The following OVCH1 variants were observed in gnomAD, a reference collection of about 807,000 sequenced individuals.
The protein encoded by OVCH1 is ovochymase-1.
Under a neutral mutation model 138.4 loss-of-function variants are expected in OVCH1, and 139 were observed. That is an observed-to-expected ratio of 1.00 (90% CI 0.87 to 1.16). The LOEUF (loss-of-function observed/expected upper bound fraction) is 1.16. Ranked by LOEUF, OVCH1 falls within the 50% of genes most tolerant of loss-of-function variation. OVCH1 has a pLI of 0.00. For synonymous variants in OVCH1, 453 were observed against 467.8 expected (o/e 0.97, Z 0.41); for missense variants, 1,367 against 1,357.9 (o/e 1.01, Z -0.11).
At chr12:29,496,922 C>T (rs892767929) in intron 1 of OVCH1, among the ~76,000 whole-genome samples, 1 of 152,212 alleles carries the variant, frequency 6.6e-6, no homozygotes, top group Non-Finnish European at 1.5e-5. Context: ...GCCAGCGCTG[C>T]CTCTGGTAGG....
intron 8 of OVCH1, among the ~76,000 whole-genome samples, chr12:29,483,472 A>G (rs1942998474): frequency 6.6e-6 from 1 of 152,200 alleles, no homozygotes; most frequent in African/African-American, 2.4e-5. Context: ...TTCATTTTAC[A>G]TTAGTTTTGA....
intron 22 of OVCH1, among the ~76,000 whole-genome samples, chr12:29,445,689 A>C (rs1385236896): frequency 6.6e-6 from 1 of 152,072 alleles, no homozygotes; most frequent in Non-Finnish European, 1.5e-5. Context: ...TTATGTTTAA[A>C]ATGACTGATG....
At chr12:29,481,575 G>T (rs1436320903) in intron 8 of OVCH1, among the ~76,000 whole-genome samples, 1 of 152,014 alleles carries the variant, frequency 6.6e-6, no homozygotes, top group Admixed American at 6.6e-5. Context: ...TACCTTCTTT[G>T]TTGCTTTCCC....
At chr12:29,461,688 G>C in intron 19 of OVCH1, 166 bp downstream of exon 19, 4 of 900,206 alleles carry the variant, frequency 4.4e-6, no homozygotes, top group Non-Finnish European at 7.0e-6. Flanking sequence ...AGCAAATTCG[G>C]ATTAATTAAC....
At chr12:29,423,150 A>G (rs1941128311), downstream of OVCH1, 3 of 444,700 alleles carry the variant, frequency 6.7e-6, no homozygotes, top group South Asian at 4.8e-5. Flanking sequence ...TTGGGTCTCA[A>G]TATTGCTCTT....
chr12:29,407,748 C>T (rs1188561124), downstream of OVCH1, among the ~76,000 whole-genome samples: 1 of 151,806 alleles, frequency 6.6e-6, no homozygotes, highest in Non-Finnish European at 1.5e-5. Context: ...TGTGATGCCT[C>T]CAGCTTTGTT....
At chr12:29,486,192 C>T in intron 8 of OVCH1, 58 bp downstream of exon 8, 2 of 1,468,956 alleles carry the variant, frequency 1.4e-6, no homozygotes, top group South Asian at 2.3e-5. Context: ...CTCCTGTTTG[C>T]TTTCCTCTGA....
chr12:29,407,220 G>T, the OVCH1 span, among the ~76,000 whole-genome samples: 1 of 138,304 alleles, frequency 7.2e-6, no homozygotes, highest in Admixed American at 7.3e-5. Flanking sequence ...TTTGTCAGAT[G>T]AGTAGGTTGC....
chr12:29,449,502 T>C (rs1941718762), intron 22 of OVCH1, among the ~76,000 whole-genome samples: 1 of 152,166 alleles, frequency 6.6e-6, no homozygotes, highest in Non-Finnish European at 1.5e-5. Context: ...GACCATGGAA[T>C]GTTTTTCCAC....
intron 8 of OVCH1, among the ~76,000 whole-genome samples, chr12:29,480,139 TTTCTA>T (rs1365430279): frequency 6.6e-6 from 1 of 152,148 alleles, no homozygotes; most frequent in African/African-American, 2.4e-5. Context: ...CTTTAGTGTT[TTTCTA>T]TTCAAGTCCA....
chr12:29,435,996 T>C (rs925941205), intron 26 of OVCH1, among the ~76,000 whole-genome samples: 2 of 152,196 alleles, frequency 1.3e-5, no homozygotes, highest in Non-Finnish European at 2.9e-5. Context: ...TATTGATCTT[T>C]TTAGACCTGT....
At chr12:29,414,919 AAAAT>A (rs1400740052) in intron 3 of OVCH1, among the ~76,000 whole-genome samples, 1 of 152,192 alleles carries the variant, frequency 6.6e-6, no homozygotes, top group Non-Finnish European at 1.5e-5. Flanking sequence ...AATATACAAT[AAAAT>A]AAAACTTACA....
At chr12:29,443,651 T>C (rs920497828) in intron 24 of OVCH1, among the ~76,000 whole-genome samples, 151 bp from the exon 25 acceptor site, 1 of 152,138 alleles carries the variant, frequency 6.6e-6, no homozygotes, top group African/African-American at 2.4e-5. Flanking sequence ...AGAGAAAGAT[T>C]TGTACTTTAA....
At chr12:29,494,656 G>T (rs1465763376) in intron 4 of OVCH1, among the ~76,000 whole-genome samples, 1 of 152,154 alleles carries the variant, frequency 6.6e-6, no homozygotes, top group African/African-American at 2.4e-5. Context: ...ATGAAATCTT[G>T]TCATTTGTAA....
intron 26 of OVCH1, among the ~76,000 whole-genome samples, chr12:29,437,950 A>G (rs1254117332): frequency 6.6e-6 from 1 of 152,190 alleles, no homozygotes; most frequent in Non-Finnish European, 1.5e-5. Context: ...CTTTTCTATT[A>G]TTGATCTGTA....
In OVCH1 at chr12:29,451,375, CATAA is replaced by C; in HGVS notation, c.2721_2724del (p.Ile907MetfsTer22). ...GTCTTTCTCTTACTGTGTCTTTCTT[CATAA>C]ATAATTAGAACTGAGTCTTGACACA... On this transcript the variant is annotated frameshift_variant, in exon 22 of 28. Transcript: ENST00000318184. LOFTEE classifies it high-confidence loss of function. 2.5e-6 allele frequency: 4 copies of C among 1,612,972 alleles called. No homozygotes were observed. Among genetic ancestry groups the C allele is most frequent in the Non-Finnish European group, 3.4e-6 (4 of 1,179,398 alleles).
chr12:29,491,217 G>C (rs1390038182), intron 4 of OVCH1, 25 bp from the exon 5 acceptor site: 23 of 1,566,056 alleles, frequency 1.5e-5, no homozygotes, highest in Non-Finnish European at 1.9e-5. Context: ...AAGGCATGAG[G>C]TTCATGGATA....
chr12:29,455,999 T>C lies in OVCH1; in HGVS notation c.2281-594A>G, dbSNP rs550400747. Among the ~76,000 whole-genome samples the C allele has an allele frequency of 9.2e-5, 14 of 152,252 alleles. No homozygotes were observed. In the South Asian group the frequency reaches 2.7e-3, roughly 29 times the overall value. On this transcript the variant is annotated intron_variant, in intron 19 of 27. Coordinates refer to ENST00000318184, the Ensembl canonical transcript of OVCH1. ...GTGTTGGTGGTGAGGTGAAGAAAAG[T>C]TAAAGGCTGACTTAAATCTATTAAA... is the stretch of plus-strand genomic sequence containing the variant.
At chr12:29,407,587 T>G (rs1940900464), downstream of OVCH1, among the ~76,000 whole-genome samples, 1 of 151,456 alleles carries the variant, frequency 6.6e-6, no homozygotes, top group African/African-American at 2.4e-5. Context: ...TGCTTGTTTT[T>G]GTCAGGTTTG....
Sources: gnomAD v4.1 joint callset for allele counts (sites outside exome capture counted in the v4.1 genomes callset) on GRCh38, gnomAD v4.1.1 for gene constraint, MANE v1.5 for transcripts, NCBI Gene and HGNC (gene_info 2026-07-23, HGNC 2026-07-21) for gene names.